C19orf18: variants seen among roughly 807,000 people sequenced by gnomAD.
C19orf18 encodes uncharacterized protein C19orf18.
Under a neutral mutation model 23.3 loss-of-function variants are expected in C19orf18, and 21 were observed. That is an observed-to-expected ratio of 0.90 (90% CI 0.64 to 1.30). The LOEUF is 1.30. Ranked by LOEUF, C19orf18 falls within the 50% of genes most tolerant of loss-of-function variation. C19orf18 has a pLI of 0.00. For synonymous variants in C19orf18, 96 were observed against 95.2 expected (o/e 1.01, Z -0.05); for missense variants, 249 against 259.6 (o/e 0.96, Z 0.28).
intron 4 of C19orf18, among the ~76,000 whole-genome samples, chr19:57,963,025 A>ATTT (rs1240503714): frequency 7.6e-6 from 1 of 131,262 alleles, no homozygotes; most frequent in Non-Finnish European, 1.6e-5. Context: ...TTTTAACTCA[A>ATTT]TTTTTTTTTT....
chr19:57,960,113 A>G (rs1415526347), intron 5 of C19orf18, among the ~76,000 whole-genome samples: 1 of 151,602 alleles, frequency 6.6e-6, no homozygotes, highest in Non-Finnish European at 1.5e-5. Flanking sequence ...TGTCTCAAAA[A>G]AAAAAGATAA....
chr19:57,969,332 G>A (rs1019011209), intron 3 of C19orf18, among the ~76,000 whole-genome samples: 6 of 151,748 alleles, frequency 4.0e-5, no homozygotes, highest in African/African-American at 1.5e-4. Flanking sequence ...CGAGGTGTGC[G>A]GATCACAAGG....
chr19:57,973,419 T>C (rs1438286325), intron 2 of C19orf18, among the ~76,000 whole-genome samples: 6 of 151,702 alleles, frequency 4.0e-5, no homozygotes, highest in African/African-American at 4.8e-5. Context: ...AAGGGAACCA[T>C]AGAAAATGCT....
Position 57,966,569 on chromosome 19 carries a change from A to C in C19orf18, c.332T>G (p.Ile111Ser), listed in dbSNP as rs2072909526. The change falls in exon 4 of 6, where the codon ATT becomes AGT. Residue 111 changes from isoleucine to serine, a missense_variant. Transcript: ENST00000314391. ...VILISSVAFS[I>S]ALICGMAISY... ...GATTGCCATCCCACATATCAGGGCA[A>C]TGCTGAAGGCTACGCTCGAAATTAA... The C allele has an allele frequency of 2.5e-6, 4 of 1,613,076 alleles. No homozygotes were observed. Among genetic ancestry groups the C allele is most frequent in the Non-Finnish European group, 3.4e-6 (4 of 1,179,256 alleles).
At chr19:57,969,582 A>C (rs2072931317) in intron 3 of C19orf18, among the ~76,000 whole-genome samples, 5 of 148,128 alleles carry the variant, frequency 3.4e-5, no homozygotes, top group African/African-American at 7.4e-5. Flanking sequence ...AAAAAAAAAA[A>C]AAAAAAAAAA....
Position 57,972,465 on chromosome 19 carries a change from T to C in C19orf18, c.266A>G (p.Lys89Arg), listed in dbSNP as rs767242543. 1.2e-6 allele frequency: 2 copies of C among 1,614,148 alleles called. No homozygotes were observed. The highest frequency in any genetic ancestry group is 1.1e-5 in the South Asian group (1 of 91,088). Residue 89 changes from lysine to arginine, a missense_variant and splice_region_variant, in exon 3 of 6, where the codon AAA (lysine) becomes AGA (arginine). Coordinates refer to ENST00000314391, the MANE Select transcript of C19orf18 (RefSeq NM_152474.5). ...PTNPMKFLRN[K>R]AIIRHRPALV... is the part of the protein sequence containing the mutation. ...CCCTCCCAGATCCCTTGGCTTACCT[T>C]TATTCCTCAGGAATTTCATGGGGTT...
intron 2 of C19orf18, among the ~76,000 whole-genome samples, chr19:57,973,775 T>C (rs2072963476): frequency 6.6e-6 from 1 of 151,824 alleles, no homozygotes; most frequent in African/African-American, 2.4e-5. Context: ...AAACCTTCTG[T>C]GTCTAGACTT....
At chr19:57,969,583 A>AAAAAAAAAAAAAC in intron 3 of C19orf18, among the ~76,000 whole-genome samples, 1 of 147,874 alleles carries the variant, frequency 6.8e-6, no homozygotes, top group African/African-American at 2.5e-5. Flanking sequence ...AAAAAAAAAA[A>AAAAAAAAAAAAAC]AAAAAAAAAA....
intron 3 of C19orf18, among the ~76,000 whole-genome samples, chr19:57,969,566 G>GAAAAAAAAAAAAAAAAAA (rs59100128): frequency 3.0e-4 from 14 of 46,500 alleles, no homozygotes; most frequent in African/African-American, 3.8e-4. Context: ...AAAAAAAACA[G>GAAAAAAAAAAAAAAAAAA]AAAAAAAAAA....
At chr19:57,959,584 C>G (rs1016081616) in intron 5 of C19orf18, among the ~76,000 whole-genome samples, 1 of 151,662 alleles carries the variant, frequency 6.6e-6, no homozygotes, top group Non-Finnish European at 1.5e-5. Flanking sequence ...AAGATCACAC[C>G]ACTGCACTCC....
At chr19:57,962,097 C>T (rs183941773) in intron 4 of C19orf18, among the ~76,000 whole-genome samples, 139 of 150,620 alleles carry the variant, frequency 9.2e-4, no homozygotes, top group African/African-American at 3.4e-3. Flanking sequence ...CTGATACAAT[C>T]ATGGTTCACT....
At chr19:57,973,433 A>G (rs916657297) in intron 2 of C19orf18, among the ~76,000 whole-genome samples, 1 of 152,022 alleles carries the variant, frequency 6.6e-6, no homozygotes, top group Non-Finnish European at 1.5e-5. Flanking sequence ...AAATGCTTAT[A>G]AAGAATTCTC....
intron 3 of C19orf18, among the ~76,000 whole-genome samples, chr19:57,969,070 G>A (rs1417536659): frequency 1.3e-5 from 2 of 152,086 alleles, no homozygotes; most frequent in Non-Finnish European, 2.9e-5. Flanking sequence ...GTAGAGGCGG[G>A]GACCTTGCTC....
At chr19:57,961,587 T>G (rs1181802314) in intron 4 of C19orf18, 36 bp from the exon 5 acceptor site, 5 of 1,599,240 alleles carry the variant, frequency 3.1e-6, no homozygotes, top group Non-Finnish European at 4.3e-6. Flanking sequence ...GAAGCACAGT[T>G]TTCATGATGA....
Position 57,961,488 on chromosome 19 carries a change from C to T in C19orf18, c.435G>A (p.Pro145=), listed in dbSNP as rs199764366. The T allele has an allele frequency of 7.4e-6, 12 of 1,614,140 alleles. No individual in the cohort carries two copies. The highest frequency in any genetic ancestry group is 3.3e-5 in the Admixed American group (2 of 60,000). ...LESLYKNLRI[P]LLGDEEEGSE... is the part of the protein sequence containing the mutation. ...AGCCCTCTTCTTCATCTCCTAATAA[C>T]GGTATCCTGAGGTTCTTATAAAGTG... Residue 145 remains proline, a synonymous_variant, in exon 5 of 6, where the codon CCG becomes CCA. Coordinates refer to ENST00000314391, the MANE Select transcript of C19orf18 (RefSeq NM_152474.5).
intron 3 of C19orf18, among the ~76,000 whole-genome samples, chr19:57,967,384 A>G (rs907513649): frequency 1.3e-5 from 2 of 152,222 alleles, no homozygotes; most frequent in African/African-American, 4.8e-5. Context: ...TGGGAATGAA[A>G]GAGTGAATCG....
At chr19:57,969,566 G>GAAAAAAAA (rs59100128) in intron 3 of C19orf18, among the ~76,000 whole-genome samples, 26 of 46,500 alleles carry the variant, frequency 5.6e-4, no homozygotes, top group South Asian at 1.5e-3. Flanking sequence ...AAAAAAAACA[G>GAAAAAAAA]AAAAAAAAAA....
chr19:57,969,566 G>GAAAAAAAAAAAAAAAAAAAAAAAAA (rs59100128), intron 3 of C19orf18, among the ~76,000 whole-genome samples: 2 of 46,498 alleles, frequency 4.3e-5, no homozygotes, highest in African/African-American at 9.5e-5. Context: ...AAAAAAAACA[G>GAAAAAAAAAAAAAAAAAAAAAAAAA]AAAAAAAAAA....
chr19:57,973,800 CA>C (rs1448396094), intron 2 of C19orf18, among the ~76,000 whole-genome samples: 1 of 151,908 alleles, frequency 6.6e-6, no homozygotes, highest in African/African-American at 2.4e-5. Flanking sequence ...GCTCTACTGC[CA>C]AATGTGCACC....
Sources: allele counts gnomAD v4.1 joint callset (sites outside exome capture counted in the v4.1 genomes callset), GRCh38; gene constraint gnomAD v4.1.1; transcripts MANE v1.5; gene names NCBI Gene and HGNC (gene_info 2026-07-23, HGNC 2026-07-21).